The following GFPT2 variants were observed in gnomAD, a reference collection of about 807,000 sequenced individuals.
GFPT2 encodes glutamine--fructose-6-phosphate aminotransferase [isomerizing] 2.
In GFPT2, 62 loss-of-function variants were observed where a neutral mutation model predicts 85.6. The ratio of observed to expected loss-of-function variants is 0.72; its 90% CI spans 0.59 to 0.90. The LOEUF (loss-of-function observed/expected upper bound fraction) is 0.90. GFPT2 is among the 40% of genes least tolerant of loss of function. GFPT2 has a pLI of 0.00. For missense variants in GFPT2, 788 were observed against 893.4 expected, an observed-to-expected ratio of 0.88 and a Z score of 1.50; for synonymous variants, 368 against 344.5, an observed-to-expected ratio of 1.07 and a Z score of -0.75.
At chr5:180,352,805 G>C (rs1764742277) in intron 1 of GFPT2, 2 of 315,254 alleles carry the variant, frequency 6.3e-6, no homozygotes, top group Non-Finnish European at 1.2e-5. Context: ...CCCCGCACTC[G>C]GGATGCGCCG....
chr5:180,352,455 C>T, intron 1 of GFPT2: 2 of 452,596 alleles, frequency 4.4e-6, no homozygotes, highest in East Asian at 7.1e-5. Flanking sequence ...CAGATGTGCG[C>T]TCCGGGCCGC....
At chr5:180,315,201 G>T (rs111940733) in intron 13 of GFPT2, among the ~76,000 whole-genome samples, 1 of 149,814 alleles carries the variant, frequency 6.7e-6, no homozygotes, top group Non-Finnish European at 1.5e-5. Context: ...TTTTTGAGAC[G>T]GAGTCTCGCT....
intron 9 of GFPT2, among the ~76,000 whole-genome samples, chr5:180,320,920 A>G (rs1764106642): frequency 1.3e-5 from 2 of 152,344 alleles, no homozygotes; most frequent in Middle Eastern, 6.8e-3. Flanking sequence ...GAAGAAAGAG[A>G]AAGAAAGATG....
At chr5:180,315,613 C>A (rs1474552429) in intron 13 of GFPT2, among the ~76,000 whole-genome samples, 1 of 152,144 alleles carries the variant, frequency 6.6e-6, no homozygotes, top group Non-Finnish European at 1.5e-5. Context: ...CCGACCGGCA[C>A]AAGATGGGCT....
In GFPT2 at chr5:180,315,310, C is replaced by T. The variant is rs564662992; in HGVS notation, c.1273+1031G>A. Among the ~76,000 whole-genome samples the T allele has an allele frequency of 2.4e-3, 369 of 152,046 alleles. 1 individual carries two copies. The highest frequency in any genetic ancestry group is 5.8e-3 in the South Asian group (28 of 4,818). On this transcript the variant is annotated intron_variant, in intron 13 of 18. Coordinates refer to ENST00000253778, the MANE Select transcript of GFPT2 (RefSeq NM_005110.4). ...CTCCTGCCTCAGCCTCCTGAGTAGC[C>T]GGGACTACAGGCGCCCGCCACCACG...
chr5:180,314,022 C>G, intron 13 of GFPT2, 58 bp from the exon 14 acceptor site: 1 of 1,477,200 alleles, frequency 6.8e-7, no homozygotes, highest in Non-Finnish European at 9.0e-7. Flanking sequence ...CCACCCCAAA[C>G]CCCTTCCTCC....
chr5:180,307,761 C>T (rs1489905441), intron 15 of GFPT2, among the ~76,000 whole-genome samples: 12 of 152,252 alleles, frequency 7.9e-5, no homozygotes, highest in Admixed American at 7.8e-4. Flanking sequence ...CAAATTATTG[C>T]ACATCCCCAA....
At chr5:180,316,612 TA>T in intron 12 of GFPT2, 151 bp from the exon 13 acceptor site, 1 of 941,094 alleles carries the variant, frequency 1.1e-6, no homozygotes, top group Non-Finnish European at 1.6e-6. Context: ...ACCTCGAAGA[TA>T]AAAGGGCTCC....
At chr5:180,320,338 AT>A (rs1383330022) in intron 9 of GFPT2, among the ~76,000 whole-genome samples, 1 of 152,084 alleles carries the variant, frequency 6.6e-6, no homozygotes, top group Admixed American at 6.5e-5. Flanking sequence ...AAGAATAATG[AT>A]TTTTTTCCCT....
At chr5:180,322,237 C>T (rs1764134792) in intron 9 of GFPT2, among the ~76,000 whole-genome samples, 1 of 151,804 alleles carries the variant, frequency 6.6e-6, no homozygotes, top group East Asian at 1.9e-4. Context: ...GCAGGAGGAT[C>T]CCTTGAGTCC....
At chr5:180,322,537 C>T (rs1372826398) in intron 9 of GFPT2, among the ~76,000 whole-genome samples, 2 of 152,140 alleles carry the variant, frequency 1.3e-5, no homozygotes, top group East Asian at 3.8e-4. Flanking sequence ...GAGGTGACAC[C>T]TGAGAATAAG....
chr5:180,319,439 G>A (rs1005736268), intron 9 of GFPT2, among the ~76,000 whole-genome samples: 3 of 152,020 alleles, frequency 2.0e-5, no homozygotes, highest in Admixed American at 2.0e-4. Context: ...CATTTATCTC[G>A]CCTTTCTAAA....
At chr5:180,332,403 C>G (rs758127518) in intron 4 of GFPT2, among the ~76,000 whole-genome samples, 60 of 152,314 alleles carry the variant, frequency 3.9e-4, no homozygotes, top group Non-Finnish European at 6.3e-4. Context: ...TCCCTCTCCC[C>G]CTAGAGGACA....
At chr5:180,341,393 T>C (rs532106274) in intron 1 of GFPT2, among the ~76,000 whole-genome samples, 4 of 152,308 alleles carry the variant, frequency 2.6e-5, no homozygotes, top group African/African-American at 9.6e-5. Context: ...CAGATTCATG[T>C]CAATATGCTA....
intron 15 of GFPT2, among the ~76,000 whole-genome samples, chr5:180,307,571 T>C (rs2127646783): frequency 6.6e-6 from 1 of 150,442 alleles, no homozygotes; most frequent in African/African-American, 2.4e-5. Context: ...GTTTTGCAGG[T>C]AAGACAACTG....
chr5:180,320,559 G>C (rs950369462), intron 9 of GFPT2, among the ~76,000 whole-genome samples: 1 of 152,094 alleles, frequency 6.6e-6, no homozygotes, highest in Non-Finnish European at 1.5e-5. Context: ...GATCACCTGA[G>C]GTCAGGAGTT....
intron 1 of GFPT2, among the ~76,000 whole-genome samples, chr5:180,343,656 G>A (rs150441526): frequency 1.6e-4 from 24 of 152,350 alleles, no homozygotes; most frequent in Admixed American, 7.8e-4. Context: ...ATAAAATAGC[G>A]TTCACGCTGT....
rs28507693 is a variant in GFPT2, at chr5:180,345,454, G to A, written c.8-6854C>T. Among the ~76,000 whole-genome samples, 1,461 of 152,372 alleles carry A rather than the reference G, an allele frequency of 9.6e-3. 25 individuals carry two copies. The highest frequency in any genetic ancestry group is 0.033 in the African/African-American group (1,378 of 41,594). ...CAGGGGAGGTGGGAAAGGGCTTCCC[G>A]CTGGGGTGGGAGTAGGCAGCTCTTT... On this transcript the variant is annotated intron_variant, in intron 1 of 18. Coordinates refer to ENST00000253778, the MANE Select transcript of GFPT2 (RefSeq NM_005110.4).
At chr5:180,337,028 C>G (rs916067535) in intron 2 of GFPT2, among the ~76,000 whole-genome samples, 2 of 152,252 alleles carry the variant, frequency 1.3e-5, no homozygotes, top group Non-Finnish European at 2.9e-5. Context: ...TCGGGCTCCC[C>G]CTTTCTCCTC....
Sources: allele counts gnomAD v4.1 joint callset (sites outside exome capture counted in the v4.1 genomes callset), GRCh38; gene constraint gnomAD v4.1.1; transcripts MANE v1.5; gene names NCBI Gene and HGNC (gene_info 2026-07-23, HGNC 2026-07-21).